The following SLC22A23 variants were observed in gnomAD, a reference collection of about 807,000 sequenced individuals.
The protein encoded by SLC22A23 is solute carrier family 22 member 23.
Under a neutral mutation model 61.0 loss-of-function variants are expected in SLC22A23, and 26 were observed. The observed-to-expected ratio is 0.43, with a 90% CI of 0.31 to 0.59. The LOEUF (loss-of-function observed/expected upper bound fraction) is 0.59. Ranked by LOEUF, SLC22A23 falls within the 20% of genes least tolerant of loss-of-function variation. The pLI, the probability that SLC22A23 is intolerant of heterozygous loss-of-function variation, is 0.11. For missense variants in SLC22A23, 796 were observed against 934.7 expected (o/e 0.85, Z 1.94); for synonymous variants, 430 against 413.9 (o/e 1.04, Z -0.47).
intron 3 of SLC22A23, among the ~76,000 whole-genome samples, chr6:3,347,869 A>AC (rs1201229117): frequency 6.6e-6 from 1 of 152,168 alleles, no homozygotes; most frequent in Admixed American, 6.5e-5. Flanking sequence ...TGTGGCCAAG[A>AC]GCCCTTCCTT....
At chr6:3,381,361 T>C (rs1031700403) in intron 3 of SLC22A23, among the ~76,000 whole-genome samples, 15 of 152,156 alleles carry the variant, frequency 9.9e-5, no homozygotes, top group Non-Finnish European at 2.1e-4. Context: ...TCTGATCTTT[T>C]TGGGGACCTT....
intron 3 of SLC22A23, among the ~76,000 whole-genome samples, chr6:3,373,699 G>A (rs770141057): frequency 6.6e-6 from 1 of 152,168 alleles, no homozygotes; most frequent in South Asian, 2.1e-4. Context: ...AAGAAGAGGA[G>A]GAAGCAGCAG....
rs57038149 is a variant in SLC22A23, at chr6:3,274,159, G to A, written c.1704-747C>T. 5.4e-4 allele frequency among the ~76,000 whole-genome samples: 82 copies of A among 152,314 alleles called. 1 individual carries two copies. The East Asian group carries it at 0.014, about 26-fold the overall frequency. On this transcript the variant is annotated intron_variant, in intron 9 of 9. Coordinates refer to ENST00000406686, the MANE Select transcript of SLC22A23 (RefSeq NM_015482.2). ...TACGGGAGCAGCCAAGAGTCCCAGGGATTAGTAGATACGCAAAACTTACAG... is the reference window on the plus strand; with the variant it reads ...TACGGGAGCAGCCAAGAGTCCCAGGAATTAGTAGATACGCAAAACTTACAG...
intron 3 of SLC22A23, among the ~76,000 whole-genome samples, chr6:3,375,544 G>A (rs1408930434): frequency 6.6e-6 from 1 of 152,224 alleles, no homozygotes; most frequent in Non-Finnish European, 1.5e-5. Context: ...ATCACTGTGG[G>A]CAGGGATATG....
In SLC22A23 at chr6:3,457,050, T is replaced by G. The variant is rs1260044808; in HGVS notation, c.-491A>C. 6.6e-6 allele frequency: 1 copy of G among 151,668 alleles called. No homozygotes were observed. Among genetic ancestry groups the G allele is most frequent in the Non-Finnish European group, 1.5e-5 (1 of 67,926 alleles). The allele number at this position is 151,668 out of a possible 1,614,324, so 9.4% of individuals were successfully genotyped here. On this transcript the variant is annotated 5_prime_UTR_variant, in exon 1 of 10. Coordinates refer to ENST00000406686, the MANE Select transcript of SLC22A23 (RefSeq NM_015482.2). ...GAAGCCGCGAGCTCTGGACCCAGCC[T>G]GCCGAGCCGGCCGCGCTCTCCAGCT...
intron 9 of SLC22A23, among the ~76,000 whole-genome samples, chr6:3,280,325 G>A (rs934612428): frequency 1.3e-5 from 2 of 152,050 alleles, no homozygotes; most frequent in Non-Finnish European, 2.9e-5. Flanking sequence ...GGGCAGCTCC[G>A]TCTGGTTCCT....
chr6:3,368,668 G>A (rs1421817030), intron 3 of SLC22A23, among the ~76,000 whole-genome samples: 1 of 152,086 alleles, frequency 6.6e-6, no homozygotes, highest in African/African-American at 2.4e-5. Flanking sequence ...AATAAGTTAT[G>A]CACACACACA....
intron 1 of SLC22A23, among the ~76,000 whole-genome samples, chr6:3,422,317 G>A (rs1770193723): frequency 6.6e-6 from 1 of 152,076 alleles, no homozygotes; most frequent in Non-Finnish European, 1.5e-5. Context: ...GCAGACAATA[G>A]AAATGGCAAG....
At chr6:3,338,154 T>C (rs567884729) in intron 3 of SLC22A23, among the ~76,000 whole-genome samples, 1 of 152,356 alleles carries the variant, frequency 6.6e-6, no homozygotes, top group Middle Eastern at 3.4e-3. Context: ...CCGAAGCCTT[T>C]TCCTTTGTCT....
chr6:3,355,514 T>C (rs952965093), intron 3 of SLC22A23, among the ~76,000 whole-genome samples: 3 of 152,168 alleles, frequency 2.0e-5, no homozygotes, highest in African/African-American at 7.2e-5. Flanking sequence ...ACCATGTGTA[T>C]AAGAGAACAG....
At chr6:3,440,901 G>A (rs116721507) in intron 1 of SLC22A23, among the ~76,000 whole-genome samples, 1,646 of 152,262 alleles carry the variant, frequency 0.011, 38 homozygotes, top group African/African-American at 0.036. Context: ...GAAGCTGCCC[G>A]TCTGTGGTAT....
rs1767293473 is a variant in SLC22A23 at position 3,386,178 on chromosome 6, T to G, written c.913+24010A>C. Among the ~76,000 whole-genome samples, 1 of 152,154 alleles carries G rather than the reference T, an allele frequency of 6.6e-6. No individual in the cohort carries two copies. The highest frequency in any genetic ancestry group is 1.5e-5 in the Non-Finnish European group (1 of 68,014). On this transcript the variant is annotated intron_variant, in intron 3 of 9. Transcript: ENST00000406686. This position sits in a 1 kb window ranked among gnomAD's most constrained non-coding sequence, Gnocchi z 4.4. ...TTACCTGACGAGGTGGATTTATTAATGATCTGGGTTGACATTAGCTGGGAG... is the reference window on the plus strand; with the variant it reads ...TTACCTGACGAGGTGGATTTATTAAGGATCTGGGTTGACATTAGCTGGGAG...
chr6:3,439,059 G>A (rs542952385), intron 1 of SLC22A23, among the ~76,000 whole-genome samples: 22 of 147,776 alleles, frequency 1.5e-4, no homozygotes, highest in Non-Finnish European at 2.8e-4. Flanking sequence ...CAAACTTGCC[G>A]TATTTGGGGC....
intron 3 of SLC22A23, among the ~76,000 whole-genome samples, chr6:3,371,053 T>C (rs1766186846): frequency 6.6e-6 from 1 of 152,236 alleles, no homozygotes; most frequent in Non-Finnish European, 1.5e-5. Flanking sequence ...TTGATGTTTA[T>C]CTGGTGCCAT....
intron 1 of SLC22A23, chr6:3,439,463 T>G (rs17136561): frequency 0.19 from 63,207 of 332,700 alleles, 6,626 homozygotes; most frequent in African/African-American, 0.27. Flanking sequence ...CTACCTAAAG[T>G]TCTGAACAGC....
At chr6:3,275,305 A>T (rs533819511) in intron 9 of SLC22A23, among the ~76,000 whole-genome samples, 1 of 151,768 alleles carries the variant, frequency 6.6e-6, no homozygotes, top group East Asian at 1.9e-4. Context: ...CATGTAAAAA[A>T]ATGAACTCAA....
intron 4 of SLC22A23, among the ~76,000 whole-genome samples, chr6:3,305,949 T>G (rs1761942517): frequency 6.6e-6 from 1 of 152,194 alleles, no homozygotes; most frequent in African/African-American, 2.4e-5. Flanking sequence ...CTGTCTGTGT[T>G]GCTATAAAGG....
intron 3 of SLC22A23, among the ~76,000 whole-genome samples, chr6:3,407,233 A>G (rs1365551332): frequency 6.6e-6 from 1 of 152,248 alleles, no homozygotes; most frequent in Non-Finnish European, 1.5e-5. Flanking sequence ...TGGCTTATCA[A>G]TAATTTTCTT....
At chr6:3,366,203 T>C (rs774252224) in intron 3 of SLC22A23, among the ~76,000 whole-genome samples, 2 of 151,586 alleles carry the variant, frequency 1.3e-5, no homozygotes, top group African/African-American at 2.4e-5. Flanking sequence ...CATGGTGGCA[T>C]GCACCTGTAG....
Sources: gnomAD v4.1 joint callset for allele counts (sites outside exome capture counted in the v4.1 genomes callset) on GRCh38, gnomAD v4.1.1 for gene constraint, Gnocchi (gnomAD v3.1) non-coding constraint, MANE v1.5 for transcripts, NCBI Gene and HGNC (gene_info 2026-07-23, HGNC 2026-07-21) for gene names.